SLC9A5: variants seen among roughly 807,000 people sequenced by gnomAD.
SLC9A5 encodes sodium/hydrogen exchanger 5.
A neutral mutation model predicts 91.7 loss-of-function variants in SLC9A5; 52 were observed. The observed-to-expected ratio is 0.57, with a 90% CI of 0.45 to 0.71. The LOEUF is 0.71. Among genes scored for constraint, SLC9A5 ranks in the 30% least tolerant of loss-of-function variants. The probability of loss-of-function intolerance (pLI) is 0.00; values close to 1 mark genes in which losing one functional copy is unlikely to be tolerated. For synonymous variants in SLC9A5, 419 were observed against 474.5 expected (o/e 0.88, Z 1.52); for missense variants, 871 against 1,158.9 (o/e 0.75, Z 3.61).
chr16:67,266,022 G>T, intron 14 of SLC9A5, 66 bp from the exon 15 acceptor site: 1 of 1,592,696 alleles, frequency 6.3e-7, no homozygotes, highest in Non-Finnish European at 8.5e-7. Context: ...GCTGGCTTGG[G>T]GCTGTGTAGT....
At chr16:67,264,241 G>A in intron 12 of SLC9A5, 111 bp from the exon 13 acceptor site, 1 of 887,364 alleles carries the variant, frequency 1.1e-6, no homozygotes, top group Admixed American at 2.6e-5. Context: ...GTTAATTCTG[G>A]AAAAGCTGGG....
intron 15 of SLC9A5, among the ~76,000 whole-genome samples, chr16:67,268,697 TATATATATATATA>T (rs2035818563): frequency 5.5e-5 from 5 of 91,668 alleles, no homozygotes; most frequent in African/African-American, 8.0e-5. Context: ...TATATATATA[TATATATATATATA>T]TTTTTACAGT....
chr16:67,266,943 A>C, intron 15 of SLC9A5, among the ~76,000 whole-genome samples: 1 of 139,100 alleles, frequency 7.2e-6, no homozygotes, highest in Non-Finnish European at 1.5e-5. Context: ...TCACTCTGTC[A>C]CCCAGGCTGG....
intron 13 of SLC9A5, 46 bp from the exon 14 acceptor site, chr16:67,264,994 T>A: frequency 1.2e-6 from 2 of 1,600,850 alleles, no homozygotes; most frequent in Non-Finnish European, 1.7e-6. Flanking sequence ...AGGGTTGGGG[T>A]GGGAAGCCGG....
chr16:67,267,700 A>G, intron 15 of SLC9A5, among the ~76,000 whole-genome samples: 1 of 152,246 alleles, frequency 6.6e-6, no homozygotes, highest in East Asian at 1.9e-4. Context: ...GGACAAAAAT[A>G]CAGTATATAA....
chr16:67,266,173 C>T lies in SLC9A5; in HGVS notation c.2166C>T (p.Ile722=). ...SETEKEDDEG[I]IFVARATSEV... Reference sequence around the variant, plus strand: ...CAGAGAAGGAGGACGATGAGGGGATCATCTTTGTGGCTCGTGCCACCAGTG... The same window carrying T: ...CAGAGAAGGAGGACGATGAGGGGATTATCTTTGTGGCTCGTGCCACCAGTG... Residue 722 remains isoleucine (I), a synonymous_variant, in exon 15 of 16, where the codon ATC becomes ATT. Transcript: ENST00000299798. The T allele has an allele frequency of 6.2e-7, 1 of 1,610,286 alleles. No homozygotes were observed.
At position 67,259,577 on chromosome 16, in the gene SLC9A5, G is replaced by C; in HGVS notation, c.1631G>C (p.Gly544Ala). The C allele has an allele frequency of 1.9e-6, 3 of 1,613,896 alleles. No individual in the cohort carries two copies. The highest frequency in any genetic ancestry group is 2.5e-6 in the Non-Finnish European group (3 of 1,179,904). ...RDAISFVDQG[G>A]HVLSSTGLTL... ...CCTTGGTCTTGACACCTGCAGGGAG[G>C]CCACGTCTTGTCTTCCACAGGTCTC... The change falls in exon 11 of 16, where the codon GGC (glycine) becomes GCC (alanine). Residue 544 changes from glycine (G) to alanine (A), a missense_variant. By Grantham distance (60) the Gly-to-Ala change is moderately conservative (BLOSUM62 0). Transcript: ENST00000299798.
At chr16:67,260,509 G>C (rs897547148) in intron 12 of SLC9A5, among the ~76,000 whole-genome samples, 2 of 152,208 alleles carry the variant, frequency 1.3e-5, no homozygotes, top group African/African-American at 2.4e-5. Flanking sequence ...CAAATTGGAG[G>C]GGGTGAGTTG....
rs780907544 is a variant in SLC9A5 at position 67,271,088 on chromosome 16, G to T, written c.2569G>T (p.Ala857Ser). ...KAGRSRSESS[A>S]DLPQQQELQP... Reference sequence around the variant, plus strand: ...TGGCCGCTCTCGCAGTGAGAGCAGCGCTGACCTCCCCCAGCAGCAGGAGCT... The same window carrying T: ...TGGCCGCTCTCGCAGTGAGAGCAGCTCTGACCTCCCCCAGCAGCAGGAGCT... The change falls in exon 16 of 16, where the codon GCT (alanine) becomes TCT (serine). Residue 857 changes from alanine (A) to serine (S), a missense_variant. By Grantham distance (99) the Ala-to-Ser change is moderately conservative. This residue lies in a region of SLC9A5 where 295 missense variants were observed against 326.0 expected (regional missense o/e 0.90). Transcript: ENST00000299798. 1.9e-6 allele frequency: 3 copies of T among 1,613,720 alleles called. No homozygotes were observed. The highest frequency in any genetic ancestry group is 2.5e-6 in the Non-Finnish European group (3 of 1,179,902).
intron 15 of SLC9A5, 105 bp downstream of exon 15, chr16:67,266,330 T>G (rs957452596): frequency 1.0e-5 from 12 of 1,170,096 alleles, no homozygotes; most frequent in Non-Finnish European, 1.3e-5. Flanking sequence ...ATTCACTAGT[T>G]TATTCATCAG....
rs2035284744 is a variant in SLC9A5, at chr16:67,255,581, C to T, written c.733+110C>T. The T allele has an allele frequency of 3.7e-6, 5 of 1,336,846 alleles. No individual in the cohort carries two copies. The highest frequency in any genetic ancestry group is 1.2e-5 in the South Asian group (1 of 83,272). 82.8% of individuals were successfully genotyped at this position (1,336,846 alleles called of 1,614,324 possible). On this transcript the variant is annotated intron_variant, in intron 4 of 15. Transcript: ENST00000299798. The surrounding 1 kb of genome is among the most constrained non-coding windows in gnomAD (Gnocchi z 4.9). ...AGAGGCTATTCGGGTTGCCTCATCT[C>T]CTCTATAGAGAAATGGGGTCTGGGA...
chr16:67,257,605 A>T lies in SLC9A5; in HGVS notation c.1496+4A>T. On this transcript the variant is annotated splice_donor_region_variant and intron_variant, in intron 9 of 15. Coordinates refer to ENST00000299798, the MANE Select transcript of SLC9A5 (RefSeq NM_004594.3). The surrounding 1 kb of genome is among the most constrained non-coding windows in gnomAD (Gnocchi z 5.1). ...GCTACCACTACTGGAGGGACAGGTGAGGGAGCTGCCCCGAGGCTCCTTCAG... is the reference window on the plus strand; with the variant it reads ...GCTACCACTACTGGAGGGACAGGTGTGGGAGCTGCCCCGAGGCTCCTTCAG... 1 of 1,613,920 alleles carries T rather than the reference A, an allele frequency of 6.2e-7. No homozygotes were observed.
At position 67,266,202 on chromosome 16, in the gene SLC9A5, T is replaced by C. The variant is rs766229636; in HGVS notation, c.2195T>C (p.Val732Ala). 4.4e-6 allele frequency: 7 copies of C among 1,606,448 alleles called. No homozygotes were observed. The Admixed American group carries it at 1.0e-4, about 23-fold the overall frequency. The part of the protein sequence containing the change: ...IIFVARATSE[V>A]LQEGKVSGSL... ...TTTGTGGCTCGTGCCACCAGTGAGGTTCTCCAAGAGGGCAAGGTCTCAGGT... is the reference window on the plus strand; with the variant it reads ...TTTGTGGCTCGTGCCACCAGTGAGGCTCTCCAAGAGGGCAAGGTCTCAGGT... The change falls in exon 15 of 16, where the codon GTT becomes GCT. Residue 732 changes from valine to alanine, a missense_variant. By Grantham distance (64) the Val-to-Ala change is moderately conservative. This residue lies in a region of SLC9A5 where 295 missense variants were observed against 326.0 expected (regional missense o/e 0.90). Transcript: ENST00000299798.
In SLC9A5 at chr16:67,270,613, C is replaced by T. The variant is rs554020299; in HGVS notation, c.2219-125C>T. On this transcript the variant is annotated intron_variant, in intron 15 of 15. Coordinates refer to ENST00000299798, the MANE Select transcript of SLC9A5 (RefSeq NM_004594.3). The surrounding 1 kb of genome is among the most constrained non-coding windows in gnomAD (Gnocchi z 4.3). ...GCTGTGGTACTTCGCCTCAGCAAGA[C>T]ATTCATCCGATAATCGCAAAAATGG... is the stretch of plus-strand genomic sequence containing the variant. 23 of 677,436 alleles carry T rather than the reference C, an allele frequency of 3.4e-5. No individual in the cohort carries two copies. In the Admixed American group the frequency reaches 4.7e-4, roughly 14 times the overall value. 42.0% of individuals were successfully genotyped at this position (677,436 alleles called of 1,614,324 possible).
intron 15 of SLC9A5, among the ~76,000 whole-genome samples, chr16:67,269,567 G>T (rs2035852031): frequency 6.6e-6 from 1 of 152,156 alleles, no homozygotes; most frequent in South Asian, 2.1e-4. Flanking sequence ...AGCCTGTAAA[G>T]GTGAATACCA....
At chr16:67,259,753 T>C (rs2035458320) in intron 11 of SLC9A5, 67 bp from the exon 12 acceptor site, 1 of 1,595,240 alleles carries the variant, frequency 6.3e-7, no homozygotes, top group South Asian at 1.1e-5. Flanking sequence ...CAGCACCTTT[T>C]CATCTGCCCT....
chr16:67,254,848 G>A (rs2035251231), intron 2 of SLC9A5, among the ~76,000 whole-genome samples, 173 bp from the exon 3 acceptor site: 1 of 152,232 alleles, frequency 6.6e-6, no homozygotes, highest in South Asian at 2.1e-4. Flanking sequence ...GGCATAGGTA[G>A]CTTGACTGAA....
Position 67,259,867 on chromosome 16 carries a change from C to T in SLC9A5, c.1763C>T (p.Thr588Ile). 2 of 1,614,202 alleles carry T rather than the reference C, an allele frequency of 1.2e-6. No homozygotes were observed. Among genetic ancestry groups the T allele is most frequent in the Non-Finnish European group, 8.5e-7 (1 of 1,180,042 alleles). ...TGTCTGGATCTGCAGGTGATTGACACAGTACGCAGCGGCCGGGATCGTGAG... is the reference window on the plus strand; with the variant it reads ...TGTCTGGATCTGCAGGTGATTGACATAGTACGCAGCGGCCGGGATCGTGAG... ...GACLDLQVID[T>I]VRSGRDREDA... The change falls in exon 12 of 16, where the codon ACA (threonine) becomes ATA (isoleucine). Residue 588 changes from threonine (T) to isoleucine (I), a missense_variant. By Grantham distance (89) the Thr-to-Ile change is moderately conservative. This residue lies in a region of SLC9A5 where 454 missense variants were observed against 718.3 expected (regional missense o/e 0.63). Transcript: ENST00000299798.
rs909792599 is a variant in SLC9A5 at position 67,257,273 on chromosome 16, C to T, written c.1336-72C>T. The T allele has an allele frequency of 4.2e-6, 6 of 1,445,332 alleles. No individual in the cohort carries two copies. Among genetic ancestry groups the T allele is most frequent in the African/African-American group, 2.8e-5 (2 of 71,482 alleles). 89.5% of individuals were successfully genotyped at this position (1,445,332 alleles called of 1,614,324 possible). A position where few individuals can be genotyped will look rare whatever the true frequency, so the allele number is the denominator to read the frequency against. ...GGTAGGGGTACTGAAGCTGAAGCCT[C>T]ATTACGGGGAGAGAAAGGCAGCAGG... On this transcript the variant is annotated intron_variant, in intron 7 of 15. Coordinates refer to ENST00000299798, the MANE Select transcript of SLC9A5 (RefSeq NM_004594.3). The surrounding 1 kb of genome is among the most constrained non-coding windows in gnomAD (Gnocchi z 5.1).
Sources: gnomAD v4.1 joint callset for allele counts (sites outside exome capture counted in the v4.1 genomes callset) on GRCh38, gnomAD v4.1.1 for gene constraint, gnomAD v4.1.1 regional missense constraint, Gnocchi (gnomAD v3.1) non-coding constraint, MANE v1.5 for transcripts, NCBI Gene and HGNC (gene_info 2026-07-23, HGNC 2026-07-21) for gene names.